FAAH2: variants seen among roughly 807,000 people sequenced by gnomAD.
FAAH2 encodes fatty acid amide hydrolase 2.
FAAH2 carries 60 observed loss-of-function variants against 36.9 expected under a neutral mutation model. That is an observed-to-expected ratio of 1.63 (90% CI 1.32 to 2.02). The LOEUF (loss-of-function observed/expected upper bound fraction) is 2.02, where lower values mean the gene tolerates loss of function less well. Among genes scored for constraint, FAAH2 ranks in the 30% most tolerant of loss-of-function variants. FAAH2 has a pLI of 0.00. For missense variants in FAAH2, 689 were observed against 397.5 expected (o/e 1.73, Z -6.23); for synonymous variants, 214 against 143.8 (o/e 1.49, Z -3.49).
the FAAH2 span, among the ~76,000 whole-genome samples, chrX:57,190,132 G>A: frequency 9.1e-6 from 1 of 110,279 alleles, no homozygotes; most frequent in Non-Finnish European, 1.9e-5. Context: ...AGGCAGTCTG[G>A]CCACAGCCAC....
intron 10 of FAAH2, among the ~76,000 whole-genome samples, chrX:57,470,111 G>A (rs1307727429): frequency 9.0e-6 from 1 of 111,496 alleles, no homozygotes; most frequent in Non-Finnish European, 1.9e-5. Context: ...TGTGTAGAGG[G>A]AAATTTATAG....
the FAAH2 span, among the ~76,000 whole-genome samples, chrX:57,150,477 GC>G: frequency 2.5e-4 from 28 of 112,206 alleles, no homozygotes; most frequent in Non-Finnish European, 3.8e-5. Flanking sequence ...AGGATAGTTA[GC>G]TCTTCTTGTT....
chrX:57,421,688 C>T (rs376921975), intron 7 of FAAH2, among the ~76,000 whole-genome samples: 5 of 111,460 alleles, frequency 4.5e-5, no homozygotes, highest in Non-Finnish European at 5.6e-5. Context: ...GTTAGGGTTG[C>T]GACATATAAA....
At chrX:57,408,042 T>G (rs1277049914) in intron 7 of FAAH2, among the ~76,000 whole-genome samples, 1 of 111,572 alleles carries the variant, frequency 9.0e-6, no homozygotes, top group African/African-American at 3.3e-5. Flanking sequence ...ACTGTTTTGA[T>G]TACTATAGCT....
At chrX:57,383,632 C>T (rs1402258228) in intron 7 of FAAH2, among the ~76,000 whole-genome samples, 1 of 111,655 alleles carries the variant, frequency 9.0e-6, no homozygotes, top group Non-Finnish European at 1.9e-5. Context: ...TGAAGGACCT[C>T]TTCAAGGAGA....
chrX:57,311,714 A>G (rs769383729), intron 3 of FAAH2, among the ~76,000 whole-genome samples: 1 of 112,299 alleles, frequency 8.9e-6, no homozygotes, highest in Non-Finnish European at 1.9e-5. Flanking sequence ...CCCAGCATCC[A>G]TGCCTAGCTA....
At chrX:57,137,247 C>G in the FAAH2 span, 31 of 759,315 alleles carry the variant, frequency 4.1e-5, no homozygotes, top group African/African-American at 6.4e-4. Context: ...CCTCACGTGC[C>G]GAAATCGGAT....
chrX:57,469,320 C>G (rs1385988431), intron 10 of FAAH2, among the ~76,000 whole-genome samples: 2 of 111,470 alleles, frequency 1.8e-5, no homozygotes, highest in Non-Finnish European at 3.8e-5. Flanking sequence ...GATAGAGAGT[C>G]AAGACCCATC....
intron 7 of FAAH2, among the ~76,000 whole-genome samples, chrX:57,389,863 A>T (rs1188346378): frequency 5.5e-5 from 6 of 109,329 alleles, no homozygotes; most frequent in Admixed American, 9.8e-5. Context: ...ACTTACCTTT[A>T]AAAAAAAATA....
chrX:57,217,484 T>G, the FAAH2 span, among the ~76,000 whole-genome samples: 3 of 112,010 alleles, frequency 2.7e-5, no homozygotes, highest in African/African-American at 9.7e-5. Context: ...GGATCCAGTT[T>G]CATTCTGCCA....
chrX:57,371,010 T>A (rs1351884076), intron 5 of FAAH2, among the ~76,000 whole-genome samples: 1 of 112,077 alleles, frequency 8.9e-6, no homozygotes, highest in East Asian at 2.8e-4. Context: ...GAATACACAT[T>A]CTTGTCAACA....
chrX:57,150,385 G>C, the FAAH2 span, among the ~76,000 whole-genome samples: 1 of 111,836 alleles, frequency 8.9e-6, no homozygotes, highest in South Asian at 3.7e-4. Context: ...TTATTATTGT[G>C]TGGGATTCTA....
At chrX:57,201,231 G>A in the FAAH2 span, among the ~76,000 whole-genome samples, 1 of 109,974 alleles carries the variant, frequency 9.1e-6, no homozygotes, top group East Asian at 2.9e-4. Context: ...GACCAGCCTG[G>A]CCAAGATGGT....
At chrX:57,201,674 A>T in the FAAH2 span, among the ~76,000 whole-genome samples, 10 of 111,031 alleles carry the variant, frequency 9.0e-5, no homozygotes, top group Non-Finnish European at 1.9e-4. Flanking sequence ...TTGGATATTG[A>T]CATTTTTTTC....
the FAAH2 span, among the ~76,000 whole-genome samples, chrX:57,213,973 T>A: frequency 2.7e-5 from 3 of 112,089 alleles, no homozygotes; most frequent in Admixed American, 9.5e-5. Flanking sequence ...TATGGTAATA[T>A]TTGTTATATA....
In FAAH2 at chrX:57,345,426, A is replaced by G. The variant is rs1045160687; in HGVS notation, c.742+4036A>G. Among the ~76,000 whole-genome samples, 4 of 111,032 alleles carry G rather than the reference A, an allele frequency of 3.6e-5. No individual in the cohort carries two copies. The South Asian group carries it at 1.1e-3, about 31-fold the overall frequency. On this transcript the variant is annotated intron_variant, in intron 5 of 10. Transcript: ENST00000374900. Reference sequence around the variant, plus strand: ...TAGATTTTCTAATTTGTGTCCATAGAGGTGTTCATAAAAACCACTGAGGAT... The same window carrying G: ...TAGATTTTCTAATTTGTGTCCATAGGGGTGTTCATAAAAACCACTGAGGAT...
At chrX:57,191,743 CT>C in the FAAH2 span, among the ~76,000 whole-genome samples, 1 of 111,963 alleles carries the variant, frequency 8.9e-6, no homozygotes, top group African/African-American at 3.2e-5. Context: ...AAGAGAAGGT[CT>C]TTTCCTCAGT....
the FAAH2 span, among the ~76,000 whole-genome samples, chrX:57,163,260 T>G: frequency 8.9e-6 from 1 of 111,924 alleles, no homozygotes; most frequent in African/African-American, 3.2e-5. Flanking sequence ...ACTGCTCTCT[T>G]CAAAGCTGTC....
intron 3 of FAAH2, among the ~76,000 whole-genome samples, chrX:57,329,681 C>G (rs968634644): frequency 9.1e-6 from 1 of 109,420 alleles, no homozygotes; most frequent in Admixed American, 9.8e-5. Context: ...TGGAGGTCAT[C>G]GTGGGCGAGT....
Sources: allele counts gnomAD v4.1 joint callset (sites outside exome capture counted in the v4.1 genomes callset), GRCh38; gene constraint gnomAD v4.1.1; transcripts MANE v1.5; gene names NCBI Gene and HGNC (gene_info 2026-07-23, HGNC 2026-07-21).